Variants in ARHGAP10 observed in about 807,000 individuals in gnomAD.
The protein encoded by ARHGAP10 is Rho GTPase activating protein 10, also known as rho GTPase-activating protein 10.
Under a neutral mutation model 108.6 loss-of-function variants are expected in ARHGAP10, and 87 were observed. That is an observed-to-expected ratio of 0.80 (90% CI 0.67 to 0.96). ARHGAP10 has a LOEUF of 0.96. Ranked by LOEUF, ARHGAP10 falls within the 40% of genes least tolerant of loss-of-function variation. ARHGAP10 has a pLI of 0.00. For missense variants in ARHGAP10, 939 were observed against 954.5 expected, an observed-to-expected ratio of 0.98 and a Z score of 0.21; for synonymous variants, 347 against 341.1, an observed-to-expected ratio of 1.02 and a Z score of -0.19.
chr4:148,008,015 G>A (rs1275164291), intron 18 of ARHGAP10, among the ~76,000 whole-genome samples: 1 of 152,172 alleles, frequency 6.6e-6, no homozygotes, highest in Non-Finnish European at 1.5e-5. Flanking sequence ...CCTTCTGGAT[G>A]TGCCCTGTGT....
At chr4:147,760,967 G>T (rs1235109248) in intron 1 of ARHGAP10, among the ~76,000 whole-genome samples, 1 of 152,034 alleles carries the variant, frequency 6.6e-6, no homozygotes, top group African/African-American at 2.4e-5. Flanking sequence ...AACTGTAAAA[G>T]AGCTGGTTGT....
At chr4:148,029,387 C>T (rs1020170009) in intron 19 of ARHGAP10, among the ~76,000 whole-genome samples, 1 of 152,186 alleles carries the variant, frequency 6.6e-6, no homozygotes. Flanking sequence ...CCCAAGAGAG[C>T]ATCTATAGAA....
At chr4:147,818,894 C>T (rs1172450654) in intron 1 of ARHGAP10, among the ~76,000 whole-genome samples, 1 of 152,026 alleles carries the variant, frequency 6.6e-6, no homozygotes, top group Non-Finnish European at 1.5e-5. Flanking sequence ...AGATTTTTAA[C>T]AGTGGAAATT....
At chr4:147,890,012 G>A (rs148110785) in intron 10 of ARHGAP10, among the ~76,000 whole-genome samples, 1 of 152,312 alleles carries the variant, frequency 6.6e-6, no homozygotes, top group East Asian at 1.9e-4. Flanking sequence ...TGAGGCACGA[G>A]ACAGCATATA....
At chr4:148,071,853 G>A in intron 22 of ARHGAP10, 140 bp from the exon 23 acceptor site, 1 of 652,972 alleles carries the variant, frequency 1.5e-6, no homozygotes, top group Non-Finnish European at 2.7e-6. Context: ...CAATGACCCT[G>A]GTGCAGACTT....
At chr4:147,971,840 G>A (rs570811342) in intron 18 of ARHGAP10, among the ~76,000 whole-genome samples, 1 of 152,284 alleles carries the variant, frequency 6.6e-6, no homozygotes, top group East Asian at 1.9e-4. Flanking sequence ...GTAGGAAGTA[G>A]AGGAATGAAA....
chr4:147,955,529 G>T (rs1225423080), intron 16 of ARHGAP10, among the ~76,000 whole-genome samples, 155 bp downstream of exon 16: 2 of 152,042 alleles, frequency 1.3e-5, no homozygotes, highest in Non-Finnish European at 1.5e-5. Flanking sequence ...TCATCCTTGG[G>T]AGGTGAATAA....
chr4:147,788,332 A>G (rs966927991), intron 1 of ARHGAP10, among the ~76,000 whole-genome samples: 1 of 152,140 alleles, frequency 6.6e-6, no homozygotes, highest in Non-Finnish European at 1.5e-5. Context: ...CTGTAATCTC[A>G]GCTACTCAGG....
rs565525923 is a variant in ARHGAP10 at position 148,002,082 on chromosome 4, C to T, written c.1717-21181C>T. On this transcript the variant is annotated intron_variant, in intron 18 of 22. Coordinates refer to ENST00000336498, the MANE Select transcript of ARHGAP10 (RefSeq NM_024605.4). ...AAATAGATCTTATTATTTTGAGATA[C>T]ATCCCATGAATACCTAATTTATTGA... 3.3e-5 allele frequency among the ~76,000 whole-genome samples: 5 copies of T among 152,276 alleles called. No homozygotes were observed. The South Asian group carries it at 6.2e-4, about 19-fold the overall frequency.
At chr4:147,847,074 G>A (rs1733664744) in intron 3 of ARHGAP10, 77 bp from the exon 4 acceptor site, 1 of 1,189,442 alleles carries the variant, frequency 8.4e-7, no homozygotes, top group Non-Finnish European at 1.2e-6. Context: ...TGGGATGGAA[G>A]AGGGAAATGA....
At chr4:147,785,083 TAAAAAAAAA>T (rs368685839) in intron 1 of ARHGAP10, among the ~76,000 whole-genome samples, 3 of 118,802 alleles carry the variant, frequency 2.5e-5, no homozygotes, top group African/African-American at 9.2e-5. Context: ...GACTATTTTC[TAAAAAAAAA>T]AAAAAAAAGA....
At chr4:147,871,372 C>T (rs1344414547) in intron 7 of ARHGAP10, among the ~76,000 whole-genome samples, 1 of 152,078 alleles carries the variant, frequency 6.6e-6, no homozygotes, top group Admixed American at 6.6e-5. Flanking sequence ...GTTTTTGCCC[C>T]CCAAGTAGGA....
rs1173058647 is a variant in ARHGAP10 at position 147,961,061 on chromosome 4, T to C, written c.1451-3963T>C. Among the ~76,000 whole-genome samples the C allele has an allele frequency of 2.6e-5, 4 of 152,240 alleles. No individual in the cohort carries two copies. The South Asian group carries it at 8.3e-4, about 31-fold the overall frequency. On this transcript the variant is annotated intron_variant, in intron 16 of 22. Transcript: ENST00000336498. ...TTTATGTGCATTTTTCCTGGTTATATACCTACGAGTGGAATTTTTGGGTCG... is the reference window on the plus strand; with the variant it reads ...TTTATGTGCATTTTTCCTGGTTATACACCTACGAGTGGAATTTTTGGGTCG...
At chr4:147,813,415 A>G (rs1378422547) in intron 1 of ARHGAP10, among the ~76,000 whole-genome samples, 1 of 152,276 alleles carries the variant, frequency 6.6e-6, no homozygotes, top group East Asian at 1.9e-4. Flanking sequence ...TACCTCTGTC[A>G]TGGCCTTCCG....
chr4:148,019,509 T>C (rs543457562), intron 18 of ARHGAP10, among the ~76,000 whole-genome samples: 2 of 152,178 alleles, frequency 1.3e-5, no homozygotes, highest in East Asian at 1.9e-4. Flanking sequence ...CCCAGCACTT[T>C]AGGTGGCAGA....
rs1259021550 is a variant in ARHGAP10, at chr4:148,031,850, T to A, written c.1867+8437T>A. On this transcript the variant is annotated intron_variant, in intron 19 of 22. Transcript: ENST00000336498. ...AGAAAAATCCAGGCCTGTTTTTTTA[T>A]GAGAGAAAGGGGAGGGAAGTGACCC... is the stretch of plus-strand genomic sequence containing the variant. Among the ~76,000 whole-genome samples, 3 of 152,268 alleles carry A rather than the reference T, an allele frequency of 2.0e-5. No homozygotes were observed. The South Asian group carries it at 6.2e-4, about 32-fold the overall frequency.
At chr4:147,792,525 T>C (rs1184632962) in intron 1 of ARHGAP10, among the ~76,000 whole-genome samples, 2 of 152,204 alleles carry the variant, frequency 1.3e-5, no homozygotes, top group Admixed American at 6.5e-5. Flanking sequence ...CTCATCAGGT[T>C]CTGAGACATT....
chr4:147,847,426 A>G (rs1353827458), intron 4 of ARHGAP10, among the ~76,000 whole-genome samples: 1 of 152,242 alleles, frequency 6.6e-6, no homozygotes. Flanking sequence ...ACCTCTAGTA[A>G]TCTTCTTGGG....
intron 18 of ARHGAP10, among the ~76,000 whole-genome samples, chr4:147,998,062 GA>G (rs1224213444): frequency 1.3e-5 from 2 of 151,878 alleles, no homozygotes; most frequent in African/African-American, 4.8e-5. Context: ...AGCTGAGTCA[GA>G]AAAAAATGAA....
Sources: gnomAD v4.1 joint callset for allele counts (sites outside exome capture counted in the v4.1 genomes callset) on GRCh38, gnomAD v4.1.1 for gene constraint, MANE v1.5 for transcripts, NCBI Gene and HGNC (gene_info 2026-07-23, HGNC 2026-07-21) for gene names.